Variants in EPHB1 observed in about 807,000 individuals in gnomAD.
EPHB1 encodes ephrin type-B receptor 1.
A neutral mutation model predicts 94.4 loss-of-function variants in EPHB1; 30 were observed. That is an observed-to-expected ratio of 0.32 (90% CI 0.24 to 0.43). EPHB1 has a LOEUF of 0.43. EPHB1 is among the 20% of genes least tolerant of loss of function. The probability of loss-of-function intolerance (pLI) is 1.00; values close to 1 mark genes in which losing one functional copy is unlikely to be tolerated. For missense variants in EPHB1, 1,055 were observed against 1,308.3 expected, an observed-to-expected ratio of 0.81 and a Z score of 2.99; for synonymous variants, 522 against 489.1, an observed-to-expected ratio of 1.07 and a Z score of -0.89.
chr3:135,114,266 T>C (rs1939584622), intron 4 of EPHB1, among the ~76,000 whole-genome samples: 1 of 152,116 alleles, frequency 6.6e-6, no homozygotes, highest in Admixed American at 6.5e-5. Flanking sequence ...CTCTGGAGCC[T>C]GTGCCCAGGT....
chr3:134,820,689 T>C (rs1210256052), intron 1 of EPHB1, among the ~76,000 whole-genome samples: 1 of 152,168 alleles, frequency 6.6e-6, no homozygotes, highest in Non-Finnish European at 1.5e-5. Flanking sequence ...CTGGGTTACC[T>C]ACAGTGCACA....
In EPHB1 at chr3:134,795,496, G is replaced by A; in HGVS notation, c.-136G>A. On this transcript the variant is annotated 5_prime_UTR_variant, in exon 1 of 16. Transcript: ENST00000398015. ...CTGCCCACGCCCACGCAGCGCTCCG[G>A]GAAGTCCGGTCCGGGCGAGAGCGCG... 1 of 817,186 alleles carries A rather than the reference G, an allele frequency of 1.2e-6. No individual in the cohort carries two copies. The highest frequency in any genetic ancestry group is 2.8e-5 in the East Asian group (1 of 35,404). The allele number at this position is 817,186 out of a possible 1,614,324, so 50.6% of individuals were successfully genotyped here.
intron 3 of EPHB1, among the ~76,000 whole-genome samples, chr3:135,064,689 T>A (rs1000546413): frequency 6.6e-6 from 1 of 152,150 alleles, no homozygotes; most frequent in African/African-American, 2.4e-5. Context: ...TTTAAACTGT[T>A]GTTTCAATTT....
intron 3 of EPHB1, among the ~76,000 whole-genome samples, chr3:135,035,613 C>A (rs1936619361): frequency 6.6e-6 from 1 of 152,178 alleles, no homozygotes; most frequent in Non-Finnish European, 1.5e-5. Flanking sequence ...CCAGGACCCT[C>A]CTGCTCATCA....
chr3:134,997,001 C>G (rs1423068121), intron 3 of EPHB1, among the ~76,000 whole-genome samples: 3 of 152,050 alleles, frequency 2.0e-5, no homozygotes, highest in African/African-American at 7.2e-5. Context: ...GAAGTTCCTC[C>G]TCACTCTAAA....
chr3:134,851,902 G>A (rs1258496015), intron 1 of EPHB1, among the ~76,000 whole-genome samples: 1 of 152,084 alleles, frequency 6.6e-6, no homozygotes, highest in African/African-American at 2.4e-5. Flanking sequence ...CTTTTCCCAG[G>A]CCCTGGAGGC....
chr3:135,080,455 A>T (rs556861505), intron 3 of EPHB1, among the ~76,000 whole-genome samples: 1 of 152,276 alleles, frequency 6.6e-6, no homozygotes, highest in South Asian at 2.1e-4. Flanking sequence ...CTTCTTAATG[A>T]TAAAGGGTGA....
rs1046911477 is a variant in EPHB1 at position 135,192,604 on chromosome 3, T to G, written c.1911T>G (p.Arg637=). The change falls in exon 11 of 16, where the codon CGT becomes CGG. Residue 637 remains arginine, a synonymous_variant. Transcript: ENST00000398015. Reference sequence around the variant, plus strand: ...AGTTTGGAGAAGTGTACAAGGGGCGTTTGAAACTGCCAGGCAAGAGGGAAA... The same window carrying G: ...AGTTTGGAGAAGTGTACAAGGGGCGGTTGAAACTGCCAGGCAAGAGGGAAA... ...AGEFGEVYKG[R]LKLPGKREIY... The G allele has an allele frequency of 1.4e-5, 22 of 1,613,666 alleles. No homozygotes were observed. Among genetic ancestry groups the G allele is most frequent in the Non-Finnish European group, 1.9e-5 (22 of 1,179,872 alleles).
intron 14 of EPHB1, among the ~76,000 whole-genome samples, chr3:135,248,828 G>GCAC (rs1350901564): frequency 6.6e-6 from 1 of 152,088 alleles, no homozygotes; most frequent in Non-Finnish European, 1.5e-5. Flanking sequence ...TGTCAAGATA[G>GCAC]CACCCGGATT....
intron 5 of EPHB1, 71 bp from the exon 6 acceptor site, chr3:135,154,081 C>T (rs1215517151): frequency 2.4e-5 from 38 of 1,596,262 alleles, no homozygotes; most frequent in Non-Finnish European, 2.8e-5. Flanking sequence ...TCCCTACGTA[C>T]CTCTGGAAGA....
chr3:134,808,113 C>T (rs2036104386), intron 1 of EPHB1, among the ~76,000 whole-genome samples: 1 of 152,202 alleles, frequency 6.6e-6, no homozygotes, highest in South Asian at 2.1e-4. Context: ...TGAATGGAGA[C>T]TAATCAGCAC....
rs750250135 is a variant in EPHB1, at chr3:134,830,118, C to G, written c.58+34429C>G. ...TTCACCTGCATTTCTCCAGTGTTAG[C>G]ATTTTACCACGTTGTGCTCATTCCT... On this transcript the variant is annotated intron_variant, in intron 1 of 15. Transcript: ENST00000398015. Among the ~76,000 whole-genome samples the G allele has an allele frequency of 9.9e-5, 15 of 152,238 alleles. No individual in the cohort carries two copies. The Middle Eastern group carries it at 0.01, about 104-fold the overall frequency.
At chr3:135,120,294 A>G (rs893605796) in intron 4 of EPHB1, among the ~76,000 whole-genome samples, 3 of 152,232 alleles carry the variant, frequency 2.0e-5, no homozygotes, top group African/African-American at 7.2e-5. Flanking sequence ...TTTTGTAGTC[A>G]TCTTCACAGA....
At chr3:135,084,119 A>G (rs930914641) in intron 3 of EPHB1, among the ~76,000 whole-genome samples, 1 of 152,210 alleles carries the variant, frequency 6.6e-6, no homozygotes, top group Admixed American at 6.5e-5. Flanking sequence ...TAAAGGAAAG[A>G]AAGACCAAAG....
At chr3:135,057,899 G>C (rs537558022) in intron 3 of EPHB1, among the ~76,000 whole-genome samples, 2 of 152,334 alleles carry the variant, frequency 1.3e-5, no homozygotes, top group East Asian at 3.9e-4. Context: ...CTTCATTTTA[G>C]CTCCCTTAGT....
intron 3 of EPHB1, among the ~76,000 whole-genome samples, chr3:135,055,396 T>C (rs1937319904): frequency 2.0e-5 from 3 of 152,240 alleles, no homozygotes; most frequent in Admixed American, 2.0e-4. Flanking sequence ...GAGCTGTGCC[T>C]GTGCTTGCCC....
At chr3:134,965,819 T>C (rs185451925) in intron 3 of EPHB1, among the ~76,000 whole-genome samples, 137 of 151,960 alleles carry the variant, frequency 9.0e-4, no homozygotes, top group African/African-American at 3.1e-3. Flanking sequence ...AGAGAGCTCA[T>C]AGCCTCAGTG....
intron 3 of EPHB1, among the ~76,000 whole-genome samples, chr3:135,021,435 AT>A (rs1241859213): frequency 6.6e-6 from 1 of 151,616 alleles, no homozygotes; most frequent in East Asian, 1.9e-4. Context: ...ATTGCTTTTG[AT>A]TTTTTTTATT....
At chr3:135,000,662 A>G (rs1935143862) in intron 3 of EPHB1, among the ~76,000 whole-genome samples, 1 of 152,228 alleles carries the variant, frequency 6.6e-6, no homozygotes, top group Non-Finnish European at 1.5e-5. Flanking sequence ...AAAACTCTTG[A>G]TGAGAATAAT....
Sources: gnomAD v4.1 joint callset for allele counts (sites outside exome capture counted in the v4.1 genomes callset) on GRCh38, gnomAD v4.1.1 for gene constraint, MANE v1.5 for transcripts, NCBI Gene and HGNC (gene_info 2026-07-23, HGNC 2026-07-21) for gene names.